Variants in IL1RAPL2 observed in about 807,000 individuals in gnomAD.
IL1RAPL2 encodes X-linked interleukin-1 receptor accessory protein-like 2.
IL1RAPL2 carries 3 observed loss-of-function variants against 44.1 expected under a neutral mutation model. The ratio of observed to expected loss-of-function variants is 0.07; its 90% CI spans 0.03 to 0.18. The LOEUF (loss-of-function observed/expected upper bound fraction) is 0.18. Among genes scored for constraint, IL1RAPL2 ranks in the 10% least tolerant of loss-of-function variants. The pLI, the probability that IL1RAPL2 is intolerant of heterozygous loss-of-function variation, is 1.00. For missense variants in IL1RAPL2, 391 were observed against 496.4 expected (o/e 0.79, Z 2.02); for synonymous variants, 181 against 178.8 (o/e 1.01, Z -0.10).
chrX:104,668,456 C>A (rs974795376), intron 2 of IL1RAPL2, among the ~76,000 whole-genome samples: 2 of 99,972 alleles, frequency 2.0e-5, no homozygotes, highest in African/African-American at 3.6e-5. Flanking sequence ...AGGTATATCT[C>A]CTAATGCTAT....
chrX:105,505,934 G>A (rs1255560296), intron 6 of IL1RAPL2, among the ~76,000 whole-genome samples: 1 of 111,560 alleles, frequency 9.0e-6, no homozygotes, highest in Non-Finnish European at 1.9e-5. Context: ...TATTGGTGGA[G>A]ATGGAAAGTG....
intron 5 of IL1RAPL2, among the ~76,000 whole-genome samples, chrX:105,316,960 T>C (rs1193380903): frequency 1.8e-5 from 2 of 111,050 alleles, no homozygotes; most frequent in Non-Finnish European, 1.9e-5. Context: ...AAACTTGAGA[T>C]AGCTAAATTA....
chrX:104,822,520 G>T (rs1034101517), intron 2 of IL1RAPL2, among the ~76,000 whole-genome samples: 6 of 111,859 alleles, frequency 5.4e-5, no homozygotes, highest in Non-Finnish European at 7.5e-5. Flanking sequence ...TCTCCCCATT[G>T]CTTGTTTTTG....
At chrX:105,664,495 A>C (rs1263075130) in intron 6 of IL1RAPL2, among the ~76,000 whole-genome samples, 4 of 112,000 alleles carry the variant, frequency 3.6e-5, no homozygotes, top group Non-Finnish European at 7.5e-5. Flanking sequence ...GGCCTGGACA[A>C]TCAATGAGAA....
chrX:104,946,601 G>T (rs1331531820), intron 2 of IL1RAPL2, among the ~76,000 whole-genome samples: 5 of 77,472 alleles, frequency 6.5e-5, no homozygotes, highest in Admixed American at 1.8e-4. Context: ...GAGTGTGATG[G>T]TCCCCTTCCT....
intron 6 of IL1RAPL2, among the ~76,000 whole-genome samples, chrX:105,607,674 C>T (rs908451090): frequency 4.3e-4 from 38 of 88,187 alleles, no homozygotes; most frequent in African/African-American, 1.7e-3. Context: ...GGAAATAAGG[C>T]ATTCCAGTTA....
Position 105,692,669 on chromosome X carries a change from GAA to G in IL1RAPL2, c.773-24686_773-24685del, listed in dbSNP as rs11298771. On this transcript the variant is annotated intron_variant, in intron 6 of 10. Transcript: ENST00000372582. The stretch of plus-strand genomic sequence containing the variant: ...CATTTCAAAGAAATGAATGCTGAAT[GAA>G]AAAAAAAAAAAGGTGGGAGAGATGG... Among the ~76,000 whole-genome samples, 946 of 98,437 alleles carry G rather than the reference GAA, an allele frequency of 9.6e-3. 7 individuals carry two copies. Among genetic ancestry groups the G allele is most frequent in the South Asian group, 0.041 (88 of 2,121 alleles). The allele number at this position is 98,437 out of a possible 115,157, so 85.5% of individuals were successfully genotyped here.
At chrX:105,435,823 A>G (rs533978612) in intron 5 of IL1RAPL2, among the ~76,000 whole-genome samples, 2 of 111,390 alleles carry the variant, frequency 1.8e-5, no homozygotes, top group South Asian at 7.7e-4. Context: ...GTTCTCACTC[A>G]TAAGTGGCAA....
At chrX:105,320,488 G>T (rs2034888918) in intron 5 of IL1RAPL2, among the ~76,000 whole-genome samples, 2 of 111,667 alleles carry the variant, frequency 1.8e-5, no homozygotes, top group Non-Finnish European at 3.8e-5. Flanking sequence ...GGGCCTGCCT[G>T]CCCAGAGACA....
intron 5 of IL1RAPL2, among the ~76,000 whole-genome samples, chrX:105,414,160 C>T (rs1176047870): frequency 3.6e-5 from 4 of 110,720 alleles, no homozygotes; most frequent in Admixed American, 9.6e-5. Context: ...CAGAGTCTCG[C>T]TGTGTCACCT....
chrX:104,923,751 C>T (rs750783068), intron 2 of IL1RAPL2, among the ~76,000 whole-genome samples: 1 of 110,760 alleles, frequency 9.0e-6, no homozygotes, highest in African/African-American at 3.3e-5. Flanking sequence ...ACAGTTGAGA[C>T]TTAAGGTAAC....
intron 6 of IL1RAPL2, among the ~76,000 whole-genome samples, chrX:105,524,345 T>A (rs917257154): frequency 9.0e-6 from 1 of 111,029 alleles, no homozygotes; most frequent in African/African-American, 3.3e-5. Flanking sequence ...AAATTAAGTC[T>A]AAATGAGCCT....
intron 2 of IL1RAPL2, among the ~76,000 whole-genome samples, chrX:104,983,057 A>G (rs376004784): frequency 2.7e-5 from 3 of 110,921 alleles, no homozygotes; most frequent in African/African-American, 9.8e-5. Context: ...TGAGGCTGAA[A>G]CATGTCCATA....
chrX:105,031,794 G>T (rs144232005), intron 2 of IL1RAPL2, among the ~76,000 whole-genome samples: 4,294 of 109,988 alleles, frequency 0.039, 228 homozygotes, highest in African/African-American at 0.14. Flanking sequence ...TTTTTCAATT[G>T]ATTGGAATAG....
chrX:105,688,924 C>G (rs182802278), intron 6 of IL1RAPL2, among the ~76,000 whole-genome samples: 22 of 111,332 alleles, frequency 2.0e-4, no homozygotes, highest in African/African-American at 7.2e-4. Flanking sequence ...CATCACACAT[C>G]TATAACAATC....
intron 2 of IL1RAPL2, among the ~76,000 whole-genome samples, chrX:105,041,797 G>T (rs1435837026): frequency 9.1e-6 from 1 of 109,830 alleles, no homozygotes; most frequent in East Asian, 2.9e-4. Context: ...GAACAAAGCT[G>T]GAGGCATCAC....
chrX:104,766,676 C>T (rs1366251487), intron 2 of IL1RAPL2, among the ~76,000 whole-genome samples: 1 of 111,771 alleles, frequency 8.9e-6, no homozygotes, highest in South Asian at 3.7e-4. Flanking sequence ...ACAATGTGCC[C>T]AAAGCTTCCC....
chrX:105,360,835 G>C (rs767728288), intron 5 of IL1RAPL2, among the ~76,000 whole-genome samples: 1 of 111,436 alleles, frequency 9.0e-6, no homozygotes, highest in East Asian at 2.8e-4. Context: ...CGTTTCCAAA[G>C]TATTTCCCTG....
intron 1 of IL1RAPL2, among the ~76,000 whole-genome samples, chrX:104,639,157 A>G (rs898473776): frequency 4.5e-5 from 5 of 111,767 alleles, no homozygotes; most frequent in Non-Finnish European, 7.5e-5. Context: ...TCTGTTTGAT[A>G]TAAGTATGGC....
Sources: allele counts gnomAD v4.1 joint callset (sites outside exome capture counted in the v4.1 genomes callset), GRCh38; gene constraint gnomAD v4.1.1; transcripts MANE v1.5; gene names NCBI Gene and HGNC (gene_info 2026-07-23, HGNC 2026-07-21).